KANTR: variants seen among roughly 807,000 people sequenced by gnomAD.
The protein encoded by KANTR is KANTR integral membrane protein.
At chrX:53,144,661 A>C (rs1367195308), downstream of KANTR, among the ~76,000 whole-genome samples, 2 of 111,654 alleles carry the variant, frequency 1.8e-5, no homozygotes, top group East Asian at 5.6e-4. Context: ...GCACCACTGT[A>C]AAGAAAAGAA....
At chrX:53,143,278 CCTT>C (rs1303998986), downstream of KANTR, 19 of 597,462 alleles carry the variant, frequency 3.2e-5, no homozygotes, top group Non-Finnish European at 5.4e-5. Flanking sequence ...ATGTAGCACA[CCTT>C]CTCGTTGATG....
chrX:53,141,398 A>G (rs1173916490), intron 2 of KANTR, among the ~76,000 whole-genome samples: 2 of 111,297 alleles, frequency 1.8e-5, no homozygotes, highest in Non-Finnish European at 3.8e-5. Context: ...TGGTGTGCAT[A>G]TGTGTAGTAT....
At chrX:53,128,624 T>C (rs1375301707), downstream of KANTR, among the ~76,000 whole-genome samples, 1 of 111,726 alleles carries the variant, frequency 9.0e-6, no homozygotes, top group African/African-American at 3.3e-5. Context: ...GTTATAGTGA[T>C]CTTATCCAAT....
chrX:53,133,677 A>G (rs1402396541), intron 2 of KANTR, among the ~76,000 whole-genome samples: 2 of 111,617 alleles, frequency 1.8e-5, no homozygotes, highest in Admixed American at 9.5e-5. Context: ...GTGATCTACT[A>G]TTGAGGGTGG....
chrX:53,100,937 T>A (rs1932887304), intron 2 of KANTR, among the ~76,000 whole-genome samples: 1 of 112,759 alleles, frequency 8.9e-6, no homozygotes, highest in Non-Finnish European at 1.9e-5. Context: ...GCTTCTTTCC[T>A]TAAACCTCAT....
intron 2 of KANTR, among the ~76,000 whole-genome samples, chrX:53,115,610 T>C (rs1202177379): frequency 8.8e-6 from 1 of 113,245 alleles, no homozygotes; most frequent in Admixed American, 9.3e-5. Flanking sequence ...GCCTAGAGGC[T>C]TGGGCTGTGG....
chrX:53,127,916 G>A (rs1206738214), downstream of KANTR, among the ~76,000 whole-genome samples: 2 of 111,493 alleles, frequency 1.8e-5, no homozygotes, highest in Non-Finnish European at 3.8e-5. Context: ...AGGGGATAGC[G>A]TGGAAGCTGG....
chrX:53,116,537 C>T (rs1933126418), intron 2 of KANTR, among the ~76,000 whole-genome samples: 1 of 112,126 alleles, frequency 8.9e-6, no homozygotes, highest in African/African-American at 3.2e-5. Context: ...TCAGATTTCT[C>T]TGTTGTCTGG....
intron 2 of KANTR, among the ~76,000 whole-genome samples, chrX:53,107,049 C>T (rs1349786177): frequency 9.0e-6 from 1 of 110,634 alleles, no homozygotes; most frequent in Non-Finnish European, 1.9e-5. Context: ...TATGCTAGAC[C>T]ACACTGTCTT....
At chrX:53,144,598 A>T (rs1217344121), downstream of KANTR, among the ~76,000 whole-genome samples, 2 of 111,229 alleles carry the variant, frequency 1.8e-5, no homozygotes, top group Admixed American at 1.9e-4. Flanking sequence ...TGGGAGGCTG[A>T]GGCAGGAGAG....
intron 1 of KANTR, among the ~76,000 whole-genome samples, chrX:53,098,588 T>C (rs1465557364): frequency 4.5e-5 from 5 of 112,344 alleles, no homozygotes; most frequent in Non-Finnish European, 3.8e-5. Context: ...GCTACTACTT[T>C]GTTAACTAAG....
intron 2 of KANTR, among the ~76,000 whole-genome samples, chrX:53,119,713 T>TTTTATTTA (rs1325790525): frequency 5.4e-5 from 6 of 111,493 alleles, no homozygotes; most frequent in Admixed American, 1.9e-4. Context: ...CCCTTTGTTA[T>TTTTATTTA]TTTATTTATT....
intron 2 of KANTR, among the ~76,000 whole-genome samples, chrX:53,139,220 C>CAA (rs200871442): frequency 2.3e-4 from 18 of 79,773 alleles, no homozygotes; most frequent in African/African-American, 7.3e-4. Flanking sequence ...GACTCCGTCT[C>CAA]AAAAAAAAAA....
At chrX:53,120,663 GTA>G (rs781790592) in intron 2 of KANTR, among the ~76,000 whole-genome samples, 160 of 110,964 alleles carry the variant, frequency 1.4e-3, no homozygotes, top group Middle Eastern at 4.7e-3. Context: ...GTTGGCTTTT[GTA>G]TATTAGTATT....
intron 2 of KANTR, among the ~76,000 whole-genome samples, chrX:53,120,122 CCTCCAGGG>C (rs1933194999): frequency 9.0e-6 from 1 of 111,007 alleles, no homozygotes. Context: ...GCAGCCTCAA[CCTCCAGGG>C]CTCAAGCAGT....
At chrX:53,111,027 T>A (rs1402001903) in intron 2 of KANTR, among the ~76,000 whole-genome samples, 3 of 109,214 alleles carry the variant, frequency 2.7e-5, no homozygotes, top group African/African-American at 1.0e-4. Context: ...TTTATTTATT[T>A]ATTTTTGAGA....
intron 2 of KANTR, among the ~76,000 whole-genome samples, chrX:53,107,734 T>C (rs1932971884): frequency 9.1e-6 from 1 of 109,654 alleles, no homozygotes; most frequent in African/African-American, 3.4e-5. Flanking sequence ...AATTTTTAAT[T>C]TCCTCATGCT....
chrX:53,104,287 T>C (rs1041620248), intron 2 of KANTR, among the ~76,000 whole-genome samples: 1 of 110,680 alleles, frequency 9.0e-6, no homozygotes, highest in Non-Finnish European at 1.9e-5. Context: ...AGTGCAGTGG[T>C]ACAATCTCGG....
chrX:53,143,809 A>T, downstream of KANTR: 1 of 499,546 alleles, frequency 2.0e-6, no homozygotes, highest in South Asian at 2.5e-5. Context: ...GGGTCACCTG[A>T]TGATGGAGGG....
Sources: allele counts gnomAD v4.1 joint callset (sites outside exome capture counted in the v4.1 genomes callset), GRCh38; gene constraint gnomAD v4.1.1; transcripts MANE v1.5; gene names NCBI Gene and HGNC (gene_info 2026-07-23, HGNC 2026-07-21).